TEX15: variants seen among roughly 807,000 people sequenced by gnomAD.
The protein encoded by TEX15 is testis expressed 15, meiosis and synapsis associated, also known as testis-expressed protein 15.
A neutral mutation model predicts 237.3 loss-of-function variants in TEX15; 171 were observed. That is an observed-to-expected ratio of 0.72 (90% CI 0.64 to 0.82). TEX15 has a LOEUF of 0.82. Among genes scored for constraint, TEX15 ranks in the 40% least tolerant of loss-of-function variants. The probability of loss-of-function intolerance (pLI) is 0.00; values close to 1 mark genes in which losing one functional copy is unlikely to be tolerated. For missense variants in TEX15, 3,750 were observed against 3,646.5 expected, an observed-to-expected ratio of 1.03 and a Z score of -0.73; for synonymous variants, 1,338 against 1,269.8, an observed-to-expected ratio of 1.05 and a Z score of -1.14.
chr8:30,847,804 A>G lies in TEX15; in HGVS notation c.2363T>C (p.Ile788Thr). 6.2e-7 allele frequency: 1 copy of G among 1,613,836 alleles called. No individual in the cohort carries two copies. The highest frequency in any genetic ancestry group is 1.1e-5 in the South Asian group (1 of 91,074). Residue 788 changes from isoleucine (I) to threonine (T), a missense_variant, in exon 8 of 11, where the codon ATA (isoleucine) becomes ACA (threonine). Ile to Thr is a moderately conservative substitution (Grantham distance 89). Coordinates refer to ENST00000643185, the MANE Select transcript of TEX15 (RefSeq NM_001350162.2). ...FIDTVISSYN[I>T]ETAHDSSNCS... ...ATTTGAACTGTCATGAGCTGTTTCT[A>G]TGTTATAAGATGAAATAACTGTATC...
At position 30,858,718 on chromosome 8, in the gene TEX15, C is replaced by A; in HGVS notation, c.800G>T (p.Arg267Leu). The change falls in exon 7 of 11, where the codon CGC (arginine) becomes CTC (leucine). Residue 267 changes from arginine to leucine, a missense_variant. Physicochemically the swap from Arg to Leu is moderately radical, Grantham distance 102. Transcript: ENST00000643185. Reference sequence around the variant, plus strand: ...GAGGAATCTCAAAGATGTCATAAGGCGTCCATTATCTACTTTTGAACCAAG... The same window carrying A: ...GAGGAATCTCAAAGATGTCATAAGGAGTCCATTATCTACTTTTGAACCAAG... ...KFLGSKVDNG[R>L]LMTSLRFLST... 6.5e-7 allele frequency: 1 copy of A among 1,535,654 alleles called. No homozygotes were observed. The highest frequency in any genetic ancestry group is 8.7e-7 in the Non-Finnish European group (1 of 1,146,630).
Position 30,844,731 on chromosome 8 carries a change from T to G in TEX15, c.5436A>C (p.Leu1812Phe), listed in dbSNP as rs776496411. ...DKSYGENIVE[L>F]SSSDSSLLLK... is the part of the protein sequence containing the mutation. ...AAAGCAGAGAACTATCACTGGAAGA[T>G]AATTCCACTATATTTTCCCCATAAC... Residue 1812 changes from leucine (L) to phenylalanine (F), a missense_variant, in exon 8 of 11, where the codon TTA (leucine) becomes TTC (phenylalanine). Leu to Phe is a conservative substitution (Grantham distance 22). Coordinates refer to ENST00000643185, the MANE Select transcript of TEX15 (RefSeq NM_001350162.2). The G allele has an allele frequency of 6.2e-7, 1 of 1,613,276 alleles. No individual in the cohort carries two copies. Among genetic ancestry groups the G allele is most frequent in the Non-Finnish European group, 8.5e-7 (1 of 1,179,610 alleles).
intron 7 of TEX15, among the ~76,000 whole-genome samples, chr8:30,855,643 C>T (rs1024746983): frequency 3.9e-5 from 6 of 151,966 alleles, no homozygotes; most frequent in Non-Finnish European, 5.9e-5. Context: ...AACTTGTATG[C>T]GAATATTCAT....
intron 1 of TEX15, among the ~76,000 whole-genome samples, chr8:30,909,589 T>A (rs1809177732): frequency 6.6e-6 from 1 of 152,194 alleles, no homozygotes; most frequent in Non-Finnish European, 1.5e-5. Flanking sequence ...AGTTTTAAAT[T>A]TTCTGAACTT....
rs201241587 is a variant in TEX15 at position 30,837,851 on chromosome 8, T to C, written c.8433A>G (p.Gln2811=). 2.4e-5 allele frequency: 38 copies of C among 1,614,144 alleles called. No homozygotes were observed. Among genetic ancestry groups the C allele is most frequent in the Non-Finnish European group, 3.1e-5 (36 of 1,180,024 alleles). Residue 2811 remains glutamine, a synonymous_variant, in exon 10 of 11, where the codon CAA becomes CAG. Transcript: ENST00000643185. ...TCTTCATGCTATTTAAATTTTCCTG[T>C]TGTCCACTGAAGTGATCAGATGAAA... is the stretch of plus-strand genomic sequence containing the variant. ...LTVSSDHFSG[Q]QENLNSMKKR... is the part of the protein sequence containing the mutation.
intron 5 of TEX15, among the ~76,000 whole-genome samples, chr8:30,860,880 T>G (rs1808036652): frequency 6.6e-6 from 1 of 152,104 alleles, no homozygotes; most frequent in Admixed American, 6.6e-5. Context: ...TGGGGTTTAA[T>G]TTTAAAATGT....
intron 2 of TEX15, chr8:30,888,627 T>C (rs1808717126): frequency 2.3e-6 from 3 of 1,289,588 alleles, no homozygotes; most frequent in Non-Finnish European, 3.0e-6. Flanking sequence ...AAGCAGGTAT[T>C]TTTCGTACCA....
chr8:30,867,649 G>C lies in TEX15; in HGVS notation c.303-147C>G, dbSNP rs2128771854. 4 of 587,600 alleles carry C rather than the reference G, an allele frequency of 6.8e-6. No individual in the cohort carries two copies. In the South Asian group the frequency reaches 8.8e-5, roughly 13 times the overall value. The allele number at this position is 587,600 out of a possible 1,614,324, so 36.4% of individuals were successfully genotyped here. A position where few individuals can be genotyped will look rare whatever the true frequency, so the allele number is the denominator to read the frequency against. ...CTACACTGTGATGATAAATTTGGTT[G>C]AAAATCATCTTAGGAACAAATTCAG... On this transcript the variant is annotated intron_variant, in intron 4 of 10. Transcript: ENST00000643185.
At chr8:30,852,262 C>T (rs1195240210) in intron 7 of TEX15, among the ~76,000 whole-genome samples, 2 of 151,712 alleles carry the variant, frequency 1.3e-5, no homozygotes, top group Non-Finnish European at 2.9e-5. Context: ...TCCGCCACCA[C>T]GCCTGGCTAA....
At chr8:30,870,507 T>TG (rs1336289934) in intron 4 of TEX15, among the ~76,000 whole-genome samples, 3 of 151,944 alleles carry the variant, frequency 2.0e-5, no homozygotes, top group African/African-American at 4.8e-5. Flanking sequence ...AGCTATGGGG[T>TG]GGGGGGTCGC....
chr8:30,856,390 C>CA (rs1002132684), intron 7 of TEX15, among the ~76,000 whole-genome samples: 116 of 150,082 alleles, frequency 7.7e-4, no homozygotes, highest in Non-Finnish European at 2.8e-4. Context: ...CCTGTCTCTA[C>CA]AAAAAAAAAT....
At chr8:30,889,927 T>TTATATACATATA (rs1808749006) in intron 2 of TEX15, among the ~76,000 whole-genome samples, 3 of 109,920 alleles carry the variant, frequency 2.7e-5, no homozygotes, top group African/African-American at 1.1e-4. Context: ...TATGTATTAG[T>TTATATACATATA]TATATACATA....
chr8:30,882,641 T>C (rs2128775052), intron 3 of TEX15, among the ~76,000 whole-genome samples: 1 of 152,316 alleles, frequency 6.6e-6, no homozygotes, highest in East Asian at 1.9e-4. Flanking sequence ...TTGTCTGTTT[T>C]GATGCATGTT....
chr8:30,851,420 A>C (rs1161722429), intron 7 of TEX15, among the ~76,000 whole-genome samples: 1 of 152,224 alleles, frequency 6.6e-6, no homozygotes, highest in African/African-American at 2.4e-5. Context: ...ACTTGAGGTC[A>C]GGAGTTTGAG....
chr8:30,844,686 G>A lies in TEX15; in HGVS notation c.5481C>T (p.Gly1827=), dbSNP rs1379899989. 4 of 1,613,180 alleles carry A rather than the reference G, an allele frequency of 2.5e-6. No homozygotes were observed. The highest frequency in any genetic ancestry group is 2.2e-5 in the South Asian group (2 of 91,042). ...SSLLLKDNVK[G]SSSETCIVKK... is the part of the protein sequence containing the mutation. The stretch of plus-strand genomic sequence containing the variant: ...TCACAATACATGTTTCTGAAGAGGA[G>A]CCTTTTACATTATCTTTTAAAAGCA... Residue 1827 remains glycine (G), a synonymous_variant, in exon 8 of 11, where the codon GGC becomes GGT. Transcript: ENST00000643185.
intron 7 of TEX15, among the ~76,000 whole-genome samples, chr8:30,857,117 C>A (rs924307952): frequency 6.6e-6 from 1 of 152,062 alleles, no homozygotes; most frequent in South Asian, 2.1e-4. Flanking sequence ...AATAGAGAGT[C>A]CAGTAAGAGA....
chr8:30,863,317 C>T (rs2128771090), intron 5 of TEX15, among the ~76,000 whole-genome samples: 1 of 152,162 alleles, frequency 6.6e-6, no homozygotes, highest in African/African-American at 2.4e-5. Flanking sequence ...GGATGCTAAA[C>T]CTGTATTATG....
intron 5 of TEX15, among the ~76,000 whole-genome samples, chr8:30,865,817 G>A (rs1808151875): frequency 1.3e-5 from 2 of 152,068 alleles, no homozygotes; most frequent in Admixed American, 1.3e-4. Context: ...ACTCATATAT[G>A]ACAAACCTAC....
intron 2 of TEX15, among the ~76,000 whole-genome samples, chr8:30,897,576 C>A (rs1808930630): frequency 6.6e-6 from 1 of 152,090 alleles, no homozygotes; most frequent in African/African-American, 2.4e-5. Flanking sequence ...CATTTAAAAT[C>A]CATATGATTA....
Sources: allele counts gnomAD v4.1 joint callset (sites outside exome capture counted in the v4.1 genomes callset), GRCh38; gene constraint gnomAD v4.1.1; transcripts MANE v1.5; gene names NCBI Gene and HGNC (gene_info 2026-07-23, HGNC 2026-07-21).